Variants in GMDS observed in about 807,000 individuals in gnomAD.
GMDS encodes the protein GDP-mannose 4,6 dehydratase.
A neutral mutation model predicts 49.9 loss-of-function variants in GMDS; 20 were observed. That is an observed-to-expected ratio of 0.40 (90% CI 0.28 to 0.58). The LOEUF (loss-of-function observed/expected upper bound fraction) is 0.58, where lower values mean the gene tolerates loss of function less well. Among genes scored for constraint, GMDS ranks in the 20% least tolerant of loss-of-function variants. The probability of loss-of-function intolerance (pLI) is 0.42; values close to 1 mark genes in which losing one functional copy is unlikely to be tolerated. For synonymous variants in GMDS, 177 were observed against 178.6 expected, an observed-to-expected ratio of 0.99 and a Z score of 0.07; for missense variants, 362 against 481.4, an observed-to-expected ratio of 0.75 and a Z score of 2.32.
At chr6:2,199,487 C>T (rs1319909117) in intron 1 of GMDS, among the ~76,000 whole-genome samples, 2 of 152,298 alleles carry the variant, frequency 1.3e-5, no homozygotes, top group South Asian at 2.1e-4. Context: ...AATGCCTCCA[C>T]TCTCTGTCCT....
intron 4 of GMDS, among the ~76,000 whole-genome samples, chr6:1,977,982 C>A (rs1370127039): frequency 1.3e-5 from 2 of 152,234 alleles, no homozygotes; most frequent in African/African-American, 2.4e-5. Context: ...CAGCATCATT[C>A]TGCGGGCCCC....
At chr6:2,088,669 T>C (rs1486853913) in intron 4 of GMDS, among the ~76,000 whole-genome samples, 1 of 152,206 alleles carries the variant, frequency 6.6e-6, no homozygotes, top group Non-Finnish European at 1.5e-5. Context: ...ATCACAATCT[T>C]GATCCTAGAG....
At chr6:1,917,970 T>C (rs1051976568) in intron 7 of GMDS, among the ~76,000 whole-genome samples, 1 of 152,230 alleles carries the variant, frequency 6.6e-6, no homozygotes, top group African/African-American at 2.4e-5. Flanking sequence ...GCAGAAGGCT[T>C]TTCTTTTCTT....
intron 1 of GMDS, among the ~76,000 whole-genome samples, chr6:2,154,862 G>GA (rs1562103386): frequency 4.1e-4 from 14 of 33,834 alleles, no homozygotes; most frequent in South Asian, 1.4e-3. Flanking sequence ...TTGAAGAGAT[G>GA]CAAAAAAAAA....
At chr6:1,899,857 A>C (rs1760410057) in intron 7 of GMDS, among the ~76,000 whole-genome samples, 1 of 149,778 alleles carries the variant, frequency 6.7e-6, no homozygotes, top group Admixed American at 6.6e-5. Flanking sequence ...CCTACACACT[A>C]AAGAGAACAC....
At chr6:2,115,084 T>C (rs9392369) in intron 4 of GMDS, among the ~76,000 whole-genome samples, 7,289 of 152,222 alleles carry the variant, frequency 0.048, 343 homozygotes, top group East Asian at 0.21. Context: ...AGTATCTAAA[T>C]AGAACTCCTA....
At chr6:1,713,846 A>T (rs528330040) in intron 9 of GMDS, among the ~76,000 whole-genome samples, 1 of 152,162 alleles carries the variant, frequency 6.6e-6, no homozygotes, top group South Asian at 2.1e-4. Context: ...CAGTTTTGGT[A>T]AGACAGGCAT....
intron 9 of GMDS, among the ~76,000 whole-genome samples, chr6:1,642,960 G>A (rs765581180): frequency 1.1e-4 from 16 of 152,156 alleles, no homozygotes; most frequent in Admixed American, 5.9e-4. Flanking sequence ...ATCTTTGGGG[G>A]CTTTTAAACA....
chr6:2,124,305 T>A (rs1775298477), intron 2 of GMDS, among the ~76,000 whole-genome samples: 1 of 152,174 alleles, frequency 6.6e-6, no homozygotes, highest in African/African-American at 2.4e-5. Context: ...ATCAGCTTGG[T>A]TTTTATTGTT....
chr6:2,197,701 A>C (rs75617879), intron 1 of GMDS, among the ~76,000 whole-genome samples: 5,046 of 152,276 alleles, frequency 0.033, 123 homozygotes, highest in Middle Eastern at 0.068. Context: ...CTTTAACAGG[A>C]TAATATGGCT....
intron 9 of GMDS, among the ~76,000 whole-genome samples, chr6:1,724,768 C>T (rs369284163): frequency 1.3e-5 from 2 of 152,348 alleles, no homozygotes; most frequent in South Asian, 2.1e-4. Flanking sequence ...GTCAGCACAG[C>T]GTGGCTGGCA....
At chr6:1,814,621 G>A (rs780951781) in intron 7 of GMDS, among the ~76,000 whole-genome samples, 4 of 152,038 alleles carry the variant, frequency 2.6e-5, no homozygotes, top group Non-Finnish European at 5.9e-5. Context: ...TAATCTGAAG[G>A]TATTTTGTGT....
chr6:1,656,105 C>T (rs1011666778), intron 9 of GMDS, among the ~76,000 whole-genome samples: 6 of 152,168 alleles, frequency 3.9e-5, no homozygotes, highest in African/African-American at 1.4e-4. Flanking sequence ...GGACATCTGC[C>T]AAATGTATTA....
chr6:2,235,142 CA>C (rs987994993), intron 1 of GMDS, among the ~76,000 whole-genome samples: 1 of 151,872 alleles, frequency 6.6e-6, no homozygotes, highest in Non-Finnish European at 1.5e-5. Context: ...AACAAAAAAA[CA>C]AAAAAACAAG....
chr6:2,235,885 G>C (rs1399799106), intron 1 of GMDS, among the ~76,000 whole-genome samples: 1 of 151,654 alleles, frequency 6.6e-6, no homozygotes, highest in Admixed American at 6.6e-5. Flanking sequence ...TAAGTTTCAG[G>C]AACAAGGCAA....
intron 1 of GMDS, among the ~76,000 whole-genome samples, chr6:2,239,614 T>C (rs1156747982): frequency 3.3e-5 from 5 of 152,102 alleles, no homozygotes; most frequent in Admixed American, 3.3e-4. Flanking sequence ...GCTCTTTCAA[T>C]TAATCACATG....
chr6:2,230,597 G>A (rs1781042621), intron 1 of GMDS, among the ~76,000 whole-genome samples: 1 of 152,092 alleles, frequency 6.6e-6, no homozygotes, highest in Admixed American at 6.6e-5. Context: ...AAACCTATAT[G>A]TTCAAACAGT....
rs1220333107 is a variant in GMDS at position 1,952,436 on chromosome 6, AG to A, written c.643+7430del. ...TCAAACGCAACACGAAGAGCTAATG[AG>A]CGTGCATTTTTCACAGTAAGGATGA... On this transcript the variant is annotated intron_variant, in intron 6 of 10. Coordinates refer to ENST00000380815, the MANE Select transcript of GMDS (RefSeq NM_001500.4). Among the ~76,000 whole-genome samples, 3 of 152,270 alleles carry A rather than the reference AG, an allele frequency of 2.0e-5. No homozygotes were observed. The East Asian group carries it at 5.8e-4, about 29-fold the overall frequency.
At position 1,708,736 on chromosome 6, in the gene GMDS, T is replaced by C. The variant is rs73716255; in HGVS notation, c.987+17680A>G. On this transcript the variant is annotated intron_variant, in intron 9 of 10. Coordinates refer to ENST00000380815, the MANE Select transcript of GMDS (RefSeq NM_001500.4). ...AGTGAGCGCCGGGGGCCTCTGGGCCTGGCTGGCGTTCCTCTGAGTACTGCC... is the reference window on the plus strand; with the variant it reads ...AGTGAGCGCCGGGGGCCTCTGGGCCCGGCTGGCGTTCCTCTGAGTACTGCC... 3.3e-3 allele frequency among the ~76,000 whole-genome samples: 498 copies of C among 152,368 alleles called. 2 individuals are homozygous for C. The highest frequency in any genetic ancestry group is 0.011 in the African/African-American group (443 of 41,600).
Sources: allele counts gnomAD v4.1 joint callset (sites outside exome capture counted in the v4.1 genomes callset), GRCh38; gene constraint gnomAD v4.1.1; transcripts MANE v1.5; gene names NCBI Gene and HGNC (gene_info 2026-07-23, HGNC 2026-07-21).